Variants in SUCLG2 observed in about 807,000 individuals in gnomAD.
SUCLG2 encodes the protein succinate-CoA ligase GDP-forming subunit beta.
A neutral mutation model predicts 47.9 loss-of-function variants in SUCLG2; 42 were observed. The observed-to-expected ratio is 0.88, with a 90% CI of 0.69 to 1.14. The LOEUF is 1.14. Among genes scored for constraint, SUCLG2 ranks in the 50% most tolerant of loss-of-function variants. The probability of loss-of-function intolerance (pLI) is 0.00; values close to 1 mark genes in which losing one functional copy is unlikely to be tolerated. For synonymous variants in SUCLG2, 195 were observed against 197.3 expected, an observed-to-expected ratio of 0.99 and a Z score of 0.10; for missense variants, 571 against 525.9, an observed-to-expected ratio of 1.09 and a Z score of -0.84.
At chr3:67,480,977 A>G (rs1451454693) in intron 9 of SUCLG2, among the ~76,000 whole-genome samples, 1 of 152,110 alleles carries the variant, frequency 6.6e-6, no homozygotes, top group Non-Finnish European at 1.5e-5. Flanking sequence ...GCCCATAAGG[A>G]AGTTCACTTT....
intron 9 of SUCLG2, among the ~76,000 whole-genome samples, chr3:67,450,799 C>A (rs1033135509): frequency 3.9e-5 from 6 of 152,190 alleles, no homozygotes; most frequent in Non-Finnish European, 7.3e-5. Context: ...TCCCAGAAGG[C>A]TTGCTACTGT....
At chr3:67,616,553 T>C (rs2167179) in intron 1 of SUCLG2, among the ~76,000 whole-genome samples, 1 of 151,794 alleles carries the variant, frequency 6.6e-6, no homozygotes, top group Non-Finnish European at 1.5e-5. Flanking sequence ...TTTAAAAAAA[T>C]TTTTTTAATA....
chr3:67,547,007 T>A (rs937934771), intron 2 of SUCLG2, among the ~76,000 whole-genome samples: 1 of 152,192 alleles, frequency 6.6e-6, no homozygotes, highest in African/African-American at 2.4e-5. Context: ...ATGGCTAATG[T>A]TTTTTCTATA....
intron 9 of SUCLG2, among the ~76,000 whole-genome samples, chr3:67,486,706 A>G (rs1218771174): frequency 6.6e-6 from 1 of 152,216 alleles, no homozygotes; most frequent in East Asian, 1.9e-4. Context: ...AAAGCATTCA[A>G]TACTATGCTT....
chr3:67,654,489 GC>G lies in SUCLG2; in HGVS notation c.84+13del. On this transcript the variant is annotated intron_variant, in intron 1 of 10. Coordinates refer to ENST00000307227, the MANE Select transcript of SUCLG2 (RefSeq NM_003848.4). ...GCCGCTGCTGGCGCCCGCAGCTCCT[GC>G]CCCCACGCTCACCTGGGACCCGGCC... 2 of 1,234,746 alleles carry G rather than the reference GC, an allele frequency of 1.6e-6. No individual in the cohort carries two copies. Among genetic ancestry groups the G allele is most frequent in the South Asian group, 4.1e-5 (1 of 24,442 alleles). 76.5% of individuals were successfully genotyped at this position (1,234,746 alleles called of 1,614,324 possible).
intron 1 of SUCLG2, among the ~76,000 whole-genome samples, chr3:67,611,330 T>G (rs1700523343): frequency 6.6e-6 from 1 of 152,226 alleles, no homozygotes. Flanking sequence ...AGACAAGCAA[T>G]GCTCACATCA....
chr3:67,640,905 T>C (rs952605586), intron 1 of SUCLG2, among the ~76,000 whole-genome samples: 1 of 152,218 alleles, frequency 6.6e-6, no homozygotes, highest in Non-Finnish European at 1.5e-5. Flanking sequence ...AAAACTGTTT[T>C]TCAAAAGGCC....
At chr3:67,492,768 AAAT>A (rs1215736124) in intron 9 of SUCLG2, among the ~76,000 whole-genome samples, 1 of 152,192 alleles carries the variant, frequency 6.6e-6, no homozygotes, top group African/African-American at 2.4e-5. Flanking sequence ...ATATATGATA[AAAT>A]AATAAGAAAC....
chr3:67,539,925 T>G (rs946221777), intron 2 of SUCLG2, among the ~76,000 whole-genome samples: 1 of 152,070 alleles, frequency 6.6e-6, no homozygotes, highest in African/African-American at 2.4e-5. Context: ...TCATTTTTTA[T>G]TGTGTCTATT....
intron 1 of SUCLG2, among the ~76,000 whole-genome samples, chr3:67,647,415 A>C (rs1235651847): frequency 6.6e-6 from 1 of 152,248 alleles, no homozygotes; most frequent in Non-Finnish European, 1.5e-5. Flanking sequence ...CCAGAATACC[A>C]GGAAACTCCA....
chr3:67,451,458 A>G (rs1704054933), intron 9 of SUCLG2, among the ~76,000 whole-genome samples: 1 of 152,240 alleles, frequency 6.6e-6, no homozygotes, highest in Non-Finnish European at 1.5e-5. Flanking sequence ...GTGACAAAAC[A>G]AAAATCAACC....
chr3:67,536,680 G>C (rs560204526), intron 2 of SUCLG2, among the ~76,000 whole-genome samples: 9 of 152,310 alleles, frequency 5.9e-5, no homozygotes, highest in African/African-American at 2.2e-4. Context: ...AGCCAATGCA[G>C]ACTGAAATCA....
At chr3:67,648,230 G>A (rs746700192) in intron 1 of SUCLG2, among the ~76,000 whole-genome samples, 1 of 152,152 alleles carries the variant, frequency 6.6e-6, no homozygotes, top group Non-Finnish European at 1.5e-5. Flanking sequence ...TTTGAACTCC[G>A]TTGAATTTGA....
intron 9 of SUCLG2, among the ~76,000 whole-genome samples, chr3:67,443,900 A>C (rs1276094358): frequency 1.3e-5 from 1 of 76,702 alleles, no homozygotes. Flanking sequence ...CCCGGCAGCC[A>C]CCCCATCTGG....
At chr3:67,514,991 G>T (rs764559845) in intron 6 of SUCLG2, among the ~76,000 whole-genome samples, 1 of 152,100 alleles carries the variant, frequency 6.6e-6, no homozygotes, top group Non-Finnish European at 1.5e-5. Flanking sequence ...TGTCCCTCAC[G>T]AAGTATTGCC....
At chr3:67,612,952 T>C (rs1157809924) in intron 1 of SUCLG2, among the ~76,000 whole-genome samples, 1 of 152,172 alleles carries the variant, frequency 6.6e-6, no homozygotes, top group Non-Finnish European at 1.5e-5. Flanking sequence ...ATAAAGGATA[T>C]GACAAAAGAC....
intron 9 of SUCLG2, among the ~76,000 whole-genome samples, chr3:67,469,870 A>G (rs1704562221): frequency 6.6e-6 from 1 of 151,570 alleles, no homozygotes; most frequent in African/African-American, 2.4e-5. Context: ...ACATGGTGAA[A>G]CCCCATCTCT....
chr3:67,626,913 CAAAAAA>C (rs35290770), intron 1 of SUCLG2, among the ~76,000 whole-genome samples: 1 of 42,084 alleles, frequency 2.4e-5, no homozygotes, highest in Non-Finnish European at 4.1e-5. Flanking sequence ...GACTCCGTCT[CAAAAAA>C]AAAAAAAAAA....
At chr3:67,637,388 C>T (rs945712009) in intron 1 of SUCLG2, among the ~76,000 whole-genome samples, 1 of 152,166 alleles carries the variant, frequency 6.6e-6, no homozygotes, top group Admixed American at 6.5e-5. Flanking sequence ...CTTGCTTCCA[C>T]TTTATCATGC....
Sources: allele counts gnomAD v4.1 joint callset (sites outside exome capture counted in the v4.1 genomes callset), GRCh38; gene constraint gnomAD v4.1.1; transcripts MANE v1.5; gene names NCBI Gene and HGNC (gene_info 2026-07-23, HGNC 2026-07-21).